SP140L: variants seen among roughly 807,000 people sequenced by gnomAD.
The protein encoded by SP140L is SP140 like nuclear body protein.
A neutral mutation model predicts 84.3 loss-of-function variants in SP140L; 64 were observed. The observed-to-expected ratio is 0.76, with a 90% CI of 0.62 to 0.94. The LOEUF (loss-of-function observed/expected upper bound fraction) is 0.94, where lower values mean the gene tolerates loss of function less well. Ranked by LOEUF, SP140L falls within the 40% of genes least tolerant of loss-of-function variation. The probability of loss-of-function intolerance (pLI) is 0.00; values close to 1 mark genes in which losing one functional copy is unlikely to be tolerated. For missense variants in SP140L, 628 were observed against 692.5 expected (o/e 0.91, Z 1.05); for synonymous variants, 242 against 236.9 (o/e 1.02, Z -0.20).
chr2:230,371,599 T>C lies in SP140L; in HGVS notation c.585T>C (p.Asp195=). The C allele has an allele frequency of 1.2e-6, 2 of 1,601,584 alleles. No individual in the cohort carries two copies. Among genetic ancestry groups the C allele is most frequent in the Non-Finnish European group, 1.7e-6 (2 of 1,172,304 alleles). Residue 195 remains aspartate (D), a splice_region_variant and synonymous_variant, in exon 7 of 19, where the codon GAT becomes GAC. Coordinates refer to ENST00000415673, the MANE Select transcript of SP140L (RefSeq NM_138402.6). ...KESDQACGKM[D]TVDIANNSTL... is the part of the protein sequence containing the mutation. ...TCACTACCACTTGTTATTTTCTAGA[T>C]ACTGTGGATATTGCAAACAACTCTA...
chr2:230,367,264 T>TTTTCTTTTTTTTCC (rs1295131564), intron 5 of SP140L, among the ~76,000 whole-genome samples: 2 of 150,940 alleles, frequency 1.3e-5, no homozygotes, highest in East Asian at 3.9e-4. Flanking sequence ...TTTTCTTTTC[T>TTTTCTTTTTTTTCC]TTTCTTTTTT....
Position 230,393,394 on chromosome 2 carries a change from T to C in SP140L, c.1108-20T>C, listed in dbSNP as rs1312272834. On this transcript the variant is annotated intron_variant, in intron 12 of 18. Coordinates refer to ENST00000415673, the MANE Select transcript of SP140L (RefSeq NM_138402.6). ...CAGAAACGCAGGCTGACTATGTACCTTGGTCTTTTTATCTTTCAGGAAGGA... is the reference window on the plus strand; with the variant it reads ...CAGAAACGCAGGCTGACTATGTACCCTGGTCTTTTTATCTTTCAGGAAGGA... 1 of 1,578,366 alleles carries C rather than the reference T, an allele frequency of 6.3e-7. No homozygotes were observed. The highest frequency in any genetic ancestry group is 1.2e-5 in the South Asian group (1 of 83,614).
rs375710451 is a variant in SP140L, at chr2:230,354,940, AAAAG to A, written c.108-2855_108-2852del. On this transcript the variant is annotated intron_variant, in intron 2 of 18. Coordinates refer to ENST00000415673, the MANE Select transcript of SP140L (RefSeq NM_138402.6). ...GAAAAAGAAAGAAAAAAGAAAAAGAAAAAGAAAGAAAGAGAAAGAAAGGGAAAGA... is the reference window on the plus strand; with the variant it reads ...GAAAAAGAAAGAAAAAAGAAAAAGAAAAAGAAAGAGAAAGAAAGGGAAAGA... Among the ~76,000 whole-genome samples, 139 of 150,072 alleles carry A rather than the reference AAAAG, an allele frequency of 9.3e-4. 2 individuals carry two copies. The highest frequency in any genetic ancestry group is 9.9e-4 in the Non-Finnish European group (67 of 67,882).
intron 2 of SP140L, among the ~76,000 whole-genome samples, chr2:230,352,015 G>T (rs534283346): frequency 1.3e-5 from 2 of 152,054 alleles, no homozygotes; most frequent in African/African-American, 4.8e-5. Context: ...CAGAAAAATT[G>T]ATGTTTTAAA....
At chr2:230,346,718 AT>A (rs2060219951) in intron 2 of SP140L, among the ~76,000 whole-genome samples, 1 of 151,706 alleles carries the variant, frequency 6.6e-6, no homozygotes, top group South Asian at 2.1e-4. Context: ...TAGATCTAGG[AT>A]TTCTGGGGGT....
At chr2:230,393,815 G>A (rs1171419017) in intron 13 of SP140L, among the ~76,000 whole-genome samples, 3 of 152,146 alleles carry the variant, frequency 2.0e-5, no homozygotes, top group Admixed American at 2.0e-4. Flanking sequence ...TAAGGTGAGA[G>A]TATCATCTCC....
At chr2:230,376,119 C>T (rs58310514) in intron 7 of SP140L, among the ~76,000 whole-genome samples, 3,926 of 152,172 alleles carry the variant, frequency 0.026, 186 homozygotes, top group African/African-American at 0.089. Flanking sequence ...CATTATTTTG[C>T]TTGTGGATAT....
At chr2:230,363,315 C>T (rs1338713090) in intron 5 of SP140L, among the ~76,000 whole-genome samples, 1 of 152,178 alleles carries the variant, frequency 6.6e-6, no homozygotes, top group Non-Finnish European at 1.5e-5. Flanking sequence ...TTCACCATAT[C>T]CTCACCATTT....
At chr2:230,394,522 G>A (rs537291746) in intron 13 of SP140L, among the ~76,000 whole-genome samples, 4 of 152,278 alleles carry the variant, frequency 2.6e-5, no homozygotes, top group African/African-American at 9.6e-5. Context: ...TTTCCCGAAG[G>A]GAAACTATGA....
intron 5 of SP140L, among the ~76,000 whole-genome samples, chr2:230,363,772 C>G (rs1166164786): frequency 6.6e-6 from 1 of 152,014 alleles, no homozygotes. Flanking sequence ...AGCTTTTCCC[C>G]TGTTTTCTTC....
chr2:230,363,186 G>T (rs1476550352), intron 5 of SP140L, among the ~76,000 whole-genome samples: 1 of 152,234 alleles, frequency 6.6e-6, no homozygotes, highest in Non-Finnish European at 1.5e-5. Flanking sequence ...ATATTCAGCA[G>T]TGGGACTGAT....
intron 12 of SP140L, among the ~76,000 whole-genome samples, chr2:230,392,617 C>T (rs1399600263): frequency 1.3e-5 from 2 of 152,150 alleles, no homozygotes; most frequent in African/African-American, 4.8e-5. Flanking sequence ...ATATTAACAG[C>T]TCTGTGGATT....
chr2:230,392,697 C>T (rs941452424), intron 12 of SP140L, among the ~76,000 whole-genome samples: 9 of 150,836 alleles, frequency 6.0e-5, no homozygotes, highest in East Asian at 3.9e-4. Flanking sequence ...ACTTTAATGC[C>T]GGGCTAAGTA....
intron 2 of SP140L, among the ~76,000 whole-genome samples, chr2:230,341,820 G>A (rs995468641): frequency 6.6e-6 from 1 of 152,066 alleles, no homozygotes; most frequent in African/African-American, 2.4e-5. Context: ...CAGGGGTCAG[G>A]GACCCACTTG....
Position 230,401,420 on chromosome 2 carries a change from G to A in SP140L, c.1477G>A (p.Ala493Thr), listed in dbSNP as rs1441037245. The A allele has an allele frequency of 1.3e-6, 2 of 1,557,338 alleles. No homozygotes were observed. Among genetic ancestry groups the A allele is most frequent in the African/African-American group, 1.6e-5 (1 of 62,284 alleles). Residue 493 changes from alanine to threonine, a missense_variant, in exon 17 of 19, where the codon GCC becomes ACC. Around this residue, in one of 4 missense-constraint regions of SP140L, gnomAD observed 52 missense variants for 87.0 expected, o/e 0.60. Coordinates refer to ENST00000415673, the MANE Select transcript of SP140L (RefSeq NM_138402.6). ...TTGCTGTTCTGAGAGCTCCTTTTTT[G>A]CCAAGATTCCATACTATTATTATGT... ...VYCCSESSFF[A>T]KIPYYYYIRE...
chr2:230,388,852 G>A (rs1575532048), intron 10 of SP140L: 1 of 400,934 alleles, frequency 2.5e-6, no homozygotes, highest in Non-Finnish European at 4.5e-6. Context: ...GCCCCAGGGG[G>A]TCACTAAAGT....
chr2:230,396,887 G>T (rs987770693), intron 14 of SP140L, 89 bp downstream of exon 14: 32 of 1,505,738 alleles, frequency 2.1e-5, no homozygotes, highest in Non-Finnish European at 2.3e-5. Flanking sequence ...GTTGCCTGAA[G>T]CATGTTCAGT....
intron 4 of SP140L, among the ~76,000 whole-genome samples, chr2:230,361,161 A>G (rs949273590): frequency 6.6e-6 from 1 of 152,136 alleles, no homozygotes; most frequent in Non-Finnish European, 1.5e-5. Context: ...TATGTGGTCT[A>G]GGCTGGTCTC....
chr2:230,343,213 A>G (rs530799290), intron 2 of SP140L, among the ~76,000 whole-genome samples: 1 of 142,784 alleles, frequency 7.0e-6, no homozygotes, highest in Non-Finnish European at 1.5e-5. Context: ...TCCATTAGCT[A>G]TTCTTCCTGA....
Sources: gnomAD v4.1 joint callset for allele counts (sites outside exome capture counted in the v4.1 genomes callset) on GRCh38, gnomAD v4.1.1 for gene constraint, gnomAD v4.1.1 regional missense constraint, MANE v1.5 for transcripts, NCBI Gene and HGNC (gene_info 2026-07-23, HGNC 2026-07-21) for gene names.